Variants in MAST4 observed in about 807,000 individuals in gnomAD.
The protein encoded by MAST4 is microtubule associated serine/threonine kinase family member 4.
A neutral mutation model predicts 162.7 loss-of-function variants in MAST4; 89 were observed. The observed-to-expected ratio is 0.55, with a 90% confidence interval of 0.46 to 0.65. The LOEUF (loss-of-function observed/expected upper bound fraction) is 0.65. MAST4 is among the 30% of genes least tolerant of loss of function. The probability of loss-of-function intolerance (pLI) is 0.00; values close to 1 mark genes in which losing one functional copy is unlikely to be tolerated. For synonymous variants in MAST4, 1,479 were observed against 1,361.1 expected (o/e 1.09, Z -1.91); for missense variants, 3,153 against 3,374.0 (o/e 0.93, Z 1.62).
At chr5:66,617,782 G>A (rs533883621) in intron 1 of MAST4, among the ~76,000 whole-genome samples, 2 of 152,216 alleles carry the variant, frequency 1.3e-5, no homozygotes, top group South Asian at 4.2e-4. Flanking sequence ...TACCATAGAA[G>A]CACAGATTTG....
intron 3 of MAST4, among the ~76,000 whole-genome samples, chr5:66,821,466 A>G (rs1195883998): frequency 6.6e-6 from 1 of 152,222 alleles, no homozygotes; most frequent in African/African-American, 2.4e-5. Flanking sequence ...ACCTGTTTCC[A>G]GGTGTCATTT....
intron 2 of MAST4, among the ~76,000 whole-genome samples, chr5:66,784,769 T>G (rs979086143): frequency 5.9e-5 from 9 of 152,212 alleles, no homozygotes; most frequent in African/African-American, 2.2e-4. Context: ...GACAGTACAT[T>G]GACTGCTTTT....
chr5:66,866,811 G>C (rs1195336758), intron 3 of MAST4, among the ~76,000 whole-genome samples: 1 of 152,200 alleles, frequency 6.6e-6, no homozygotes, highest in Admixed American at 6.5e-5. Flanking sequence ...AGTGCGGTGC[G>C]TGATCACGGC....
intron 11 of MAST4, among the ~76,000 whole-genome samples, chr5:67,111,053 A>G (rs924224687): frequency 1.3e-5 from 2 of 152,132 alleles, no homozygotes; most frequent in Non-Finnish European, 2.9e-5. Context: ...AATTAAAATT[A>G]TATGTTTTTG....
intron 1 of MAST4, among the ~76,000 whole-genome samples, chr5:66,728,236 A>G (rs769952605): frequency 1.3e-5 from 2 of 152,148 alleles, no homozygotes; most frequent in Non-Finnish European, 2.9e-5. Flanking sequence ...TCTCACTTTC[A>G]TATATAGAAT....
At chr5:66,681,714 C>T (rs1364434787) in intron 1 of MAST4, among the ~76,000 whole-genome samples, 2 of 152,188 alleles carry the variant, frequency 1.3e-5, no homozygotes, top group Non-Finnish European at 2.9e-5. Flanking sequence ...GCAGGAGGAT[C>T]TGGGTGTTTT....
chr5:66,715,538 G>A (rs1327418620), intron 1 of MAST4, among the ~76,000 whole-genome samples: 22 of 129,826 alleles, frequency 1.7e-4, no homozygotes, highest in Non-Finnish European at 2.3e-4. Context: ...GGGGAGGGGG[G>A]AGGTATAGCA....
intron 9 of MAST4, 110 bp from the exon 10 acceptor site, chr5:67,104,256 T>C: frequency 1.2e-6 from 1 of 808,570 alleles, no homozygotes. Context: ...TAGAATCCCA[T>C]TTAACAACTT....
At chr5:67,114,264 G>C in intron 12 of MAST4, 45 bp downstream of exon 12, 1 of 1,577,440 alleles carries the variant, frequency 6.3e-7, no homozygotes, top group South Asian at 1.2e-5. Context: ...CTTATGCACT[G>C]TCGCCTCATA....
intron 3 of MAST4, among the ~76,000 whole-genome samples, chr5:66,864,577 C>T (rs895542546): frequency 1.3e-5 from 2 of 152,006 alleles, no homozygotes; most frequent in African/African-American, 4.8e-5. Flanking sequence ...GCAAAAGTAA[C>T]GGAAGAGAGA....
chr5:66,673,863 T>G (rs980044877), intron 1 of MAST4, among the ~76,000 whole-genome samples: 3 of 152,230 alleles, frequency 2.0e-5, no homozygotes, highest in African/African-American at 7.2e-5. Context: ...TTAATTTCCT[T>G]CATGGCTTTT....
At chr5:67,006,306 A>T (rs1752025433) in intron 4 of MAST4, among the ~76,000 whole-genome samples, 1 of 152,212 alleles carries the variant, frequency 6.6e-6, no homozygotes, top group Non-Finnish European at 1.5e-5. Context: ...TGTACCTTTT[A>T]AGTAATGTGA....
chr5:67,073,805 A>G (rs1052661109), intron 5 of MAST4, among the ~76,000 whole-genome samples: 12 of 152,246 alleles, frequency 7.9e-5, no homozygotes, highest in Non-Finnish European at 1.8e-4. Flanking sequence ...AGCTTCTTTC[A>G]TACTATATAT....
chr5:66,625,281 G>A lies in MAST4; in HGVS notation c.363+28263G>A, dbSNP rs190319047. ...GAGAAAACCTACCTCTGTTGCATTC[G>A]GTTTCCTTCTGTGGTCTTTAAGCCT... On this transcript the variant is annotated intron_variant, in intron 1 of 28. Transcript: ENST00000403625. Among the ~76,000 whole-genome samples, 48 of 152,180 alleles carry A rather than the reference G, an allele frequency of 3.2e-4. No homozygotes were observed. In the East Asian group the frequency reaches 3.9e-3, roughly 12 times the overall value.
At chr5:66,634,710 C>CA (rs1276366688) in intron 1 of MAST4, among the ~76,000 whole-genome samples, 1 of 152,194 alleles carries the variant, frequency 6.6e-6, no homozygotes, top group Non-Finnish European at 1.5e-5. Flanking sequence ...CAGCAATGAG[C>CA]AATGGAAGTT....
At chr5:66,822,440 T>A (rs1561355164) in intron 3 of MAST4, among the ~76,000 whole-genome samples, 1 of 152,186 alleles carries the variant, frequency 6.6e-6, no homozygotes, top group Non-Finnish European at 1.5e-5. Flanking sequence ...GAAAGGGTGC[T>A]CTTGGTTTTG....
At chr5:66,695,902 C>A (rs576505822) in intron 1 of MAST4, among the ~76,000 whole-genome samples, 1 of 152,174 alleles carries the variant, frequency 6.6e-6, no homozygotes, top group East Asian at 1.9e-4. Context: ...TACATGCACA[C>A]GTATGTTTAT....
chr5:67,042,642 G>A lies in MAST4; in HGVS notation c.675-11762G>A, dbSNP rs139830893. Among the ~76,000 whole-genome samples, 59 of 152,044 alleles carry A rather than the reference G, an allele frequency of 3.9e-4. 1 individual carries two copies. The East Asian group carries it at 9.1e-3, about 23-fold the overall frequency. On this transcript the variant is annotated intron_variant, in intron 4 of 28. Transcript: ENST00000403625. ...AAGCACTAAAGTATAGGATAAACAC[G>A]CAACTAATTTTAATATCCGTTTGGC...
chr5:67,168,556 G>A lies in MAST4; in HGVS notation c.*1505G>A, dbSNP rs998918816. The A allele has an allele frequency of 1.3e-5, 2 of 152,008 alleles. No individual in the cohort carries two copies. Among genetic ancestry groups the A allele is most frequent in the African/African-American group, 4.8e-5 (2 of 41,388 alleles). 9.4% of individuals were successfully genotyped at this position (152,008 alleles called of 1,614,324 possible). A position where few individuals can be genotyped will look rare whatever the true frequency, so the allele number is the denominator to read the frequency against. ...TTTCTTTGGTGGCTTGTTTTGTATT[G>A]TAAGATGGCACTTGCTGATATAAAT... On this transcript the variant is annotated 3_prime_UTR_variant, in exon 29 of 29. Coordinates refer to ENST00000403625, the MANE Select transcript of MAST4 (RefSeq NM_001164664.2).
Sources: gnomAD v4.1 joint callset for allele counts (sites outside exome capture counted in the v4.1 genomes callset) on GRCh38, gnomAD v4.1.1 for gene constraint, MANE v1.5 for transcripts, NCBI Gene and HGNC (gene_info 2026-07-23, HGNC 2026-07-21) for gene names.